The following GRIK4 variants were observed in gnomAD, a reference collection of about 807,000 sequenced individuals.
GRIK4 encodes glutamate receptor ionotropic, kainate 4.
GRIK4 carries 40 observed loss-of-function variants against 104.9 expected under a neutral mutation model. The ratio of observed to expected loss-of-function variants is 0.38; its 90% confidence interval spans 0.30 to 0.50. The LOEUF is 0.50. GRIK4 is among the 20% of genes least tolerant of loss of function. The pLI is 0.93. For synonymous variants in GRIK4, 485 were observed against 524.9 expected (o/e 0.92, Z 1.04); for missense variants, 1,047 against 1,308.1 (o/e 0.80, Z 3.08).
At chr11:120,651,591 C>T (rs1949619983) in intron 1 of GRIK4, among the ~76,000 whole-genome samples, 1 of 152,210 alleles carries the variant, frequency 6.6e-6, no homozygotes, top group Non-Finnish European at 1.5e-5. Context: ...ACGTCCTCCC[C>T]TCAAGTTGGA....
At chr11:120,817,942 G>T (rs1252457479) in intron 5 of GRIK4, among the ~76,000 whole-genome samples, 3 of 152,182 alleles carry the variant, frequency 2.0e-5, no homozygotes, top group Non-Finnish European at 4.4e-5. Context: ...CTACACACAG[G>T]TTCACATTTT....
chr11:120,815,612 A>G (rs1952936419), intron 5 of GRIK4, 137 bp downstream of exon 5: 4 of 552,168 alleles, frequency 7.2e-6, no homozygotes, highest in Admixed American at 4.0e-5. Flanking sequence ...ACATAAATAC[A>G]AATACAGAAG....
At chr11:120,851,333 T>C (rs1394251330) in intron 8 of GRIK4, among the ~76,000 whole-genome samples, 2 of 152,196 alleles carry the variant, frequency 1.3e-5, no homozygotes, top group African/African-American at 4.8e-5. Context: ...ATGCTGTGGT[T>C]TCTCTGTTCG....
At chr11:120,545,095 G>A (rs891060201) in intron 1 of GRIK4, among the ~76,000 whole-genome samples, 6 of 152,122 alleles carry the variant, frequency 3.9e-5, no homozygotes, top group Non-Finnish European at 8.8e-5. Flanking sequence ...CAAACCAGGG[G>A]ACATACAGGC....
intron 8 of GRIK4, among the ~76,000 whole-genome samples, chr11:120,859,919 C>A (rs538806793): frequency 3.9e-5 from 6 of 152,224 alleles, no homozygotes; most frequent in Non-Finnish European, 5.9e-5. Context: ...CACGTGTAAG[C>A]TAATGAAGCT....
At position 120,613,730 on chromosome 11, in the gene GRIK4, G is replaced by A. The variant is rs1288902909; in HGVS notation, c.-158-39955G>A. On this transcript the variant is annotated intron_variant, in intron 1 of 20. Transcript: ENST00000527524. The stretch of plus-strand genomic sequence containing the variant: ...AAGGTGGCTCCAGGTCCTGGGGCAG[G>A]GAAGCTCCTGAGCTCTGCAGGAGCG... Among the ~76,000 whole-genome samples, 3 of 152,178 alleles carry A rather than the reference G, an allele frequency of 2.0e-5. No individual in the cohort carries two copies. In the East Asian group the frequency reaches 5.8e-4, roughly 29 times the overall value.
intron 4 of GRIK4, among the ~76,000 whole-genome samples, chr11:120,814,902 C>G (rs1335351589): frequency 6.6e-6 from 1 of 152,240 alleles, no homozygotes; most frequent in Non-Finnish European, 1.5e-5. Flanking sequence ...TGCTCTCTTC[C>G]TGTCTGCGTC....
intron 3 of GRIK4, among the ~76,000 whole-genome samples, chr11:120,775,351 GAC>G (rs1051084658): frequency 6.6e-5 from 10 of 152,182 alleles, no homozygotes; most frequent in Admixed American, 2.0e-4. Flanking sequence ...GGACCTGAGA[GAC>G]ACAGCTGGGT....
chr11:120,764,532 A>T (rs1410284606), intron 3 of GRIK4, among the ~76,000 whole-genome samples: 2 of 151,640 alleles, frequency 1.3e-5, no homozygotes, highest in African/African-American at 4.8e-5. Flanking sequence ...CAGTTTCTTC[A>T]TAGTGTTGAT....
chr11:120,942,292 C>T (rs1406646490), intron 14 of GRIK4, among the ~76,000 whole-genome samples: 6 of 152,172 alleles, frequency 3.9e-5, no homozygotes, highest in East Asian at 3.8e-4. Context: ...GTCTTGCCAT[C>T]GTTACATCTG....
chr11:120,857,744 A>C (rs1364012396), intron 8 of GRIK4, among the ~76,000 whole-genome samples: 4 of 152,148 alleles, frequency 2.6e-5, no homozygotes, highest in Admixed American at 2.0e-4. Flanking sequence ...TCTTCAATCA[A>C]CTGTCCTCAA....
At chr11:120,865,358 A>G (rs924213843) in intron 9 of GRIK4, among the ~76,000 whole-genome samples, 4 of 152,218 alleles carry the variant, frequency 2.6e-5, no homozygotes, top group Admixed American at 1.3e-4. Context: ...TATGCATACA[A>G]TACACATTTA....
chr11:120,928,992 CGCGT>C (rs1565445097), intron 13 of GRIK4, among the ~76,000 whole-genome samples: 17 of 147,696 alleles, frequency 1.2e-4, no homozygotes, highest in African/African-American at 4.2e-4. Flanking sequence ...TGTGTGTGCG[CGCGT>C]GCACGCGTGT....
chr11:120,711,045 TCAGGGTGGGCCATG>T (rs1181599050), intron 3 of GRIK4, among the ~76,000 whole-genome samples: 1 of 149,258 alleles, frequency 6.7e-6, no homozygotes, highest in Non-Finnish European at 1.5e-5. Context: ...CCATTCCATC[TCAGGGTGGGCCATG>T]CAGGGTGGGC....
chr11:120,820,287 A>C (rs531491419), intron 6 of GRIK4, among the ~76,000 whole-genome samples: 1 of 152,274 alleles, frequency 6.6e-6, no homozygotes, highest in East Asian at 1.9e-4. Flanking sequence ...CAATTCCCAC[A>C]TTCTCAGCTT....
Position 120,513,331 on chromosome 11 carries a change from GCC to G in GRIK4, c.-159+1445_-159+1446del, listed in dbSNP as rs1565533356. 6.6e-6 allele frequency among the ~76,000 whole-genome samples: 1 copy of G among 152,102 alleles called. No individual in the cohort carries two copies. Among genetic ancestry groups the G allele is most frequent in the African/African-American group, 2.4e-5 (1 of 41,414 alleles). On this transcript the variant is annotated intron_variant, in intron 1 of 20. Coordinates refer to ENST00000527524, the MANE Select transcript of GRIK4 (RefSeq NM_014619.5). This position sits in a 1 kb window ranked among gnomAD's most constrained non-coding sequence, Gnocchi z 4.5. ...CGTGGTATCTCCGGGGAGAGAGGCC[GCC>G]TGGGTTGGTAGTGGGCATCTGAGAG... is the stretch of plus-strand genomic sequence containing the variant.
At chr11:120,895,592 A>G (rs1942556184) in intron 11 of GRIK4, among the ~76,000 whole-genome samples, 1 of 152,190 alleles carries the variant, frequency 6.6e-6, no homozygotes, top group Non-Finnish European at 1.5e-5. Context: ...TGAAGGGCAC[A>G]TTCGTATCCC....
chr11:120,752,703 G>A (rs1272462329), intron 3 of GRIK4, among the ~76,000 whole-genome samples: 1 of 152,182 alleles, frequency 6.6e-6, no homozygotes, highest in Non-Finnish European at 1.5e-5. Flanking sequence ...TTTTAGACAG[G>A]TCAGGGTGGG....
chr11:120,871,703 G>A (rs1325865221), intron 9 of GRIK4: 1 of 456,288 alleles, frequency 2.2e-6, no homozygotes, highest in Non-Finnish European at 4.4e-6. Context: ...GAGTGGGAAG[G>A]TGTTGAGGTC....
Sources: allele counts gnomAD v4.1 joint callset (sites outside exome capture counted in the v4.1 genomes callset), GRCh38; gene constraint gnomAD v4.1.1; non-coding constraint Gnocchi (gnomAD v3.1); transcripts MANE v1.5; gene names NCBI Gene and HGNC (gene_info 2026-07-23, HGNC 2026-07-21).